SLC9B2: variants seen among roughly 807,000 people sequenced by gnomAD.
The protein encoded by SLC9B2 is solute carrier family 9 member B2, also known as sodium/hydrogen exchanger 9B2.
SLC9B2 carries 39 observed loss-of-function variants against 52.2 expected under a neutral mutation model. That is an observed-to-expected ratio of 0.75 (90% CI 0.58 to 0.98). SLC9B2 has a LOEUF of 0.98. Ranked by LOEUF, SLC9B2 falls within the 50% of genes least tolerant of loss-of-function variation. The probability of loss-of-function intolerance (pLI) is 0.00; values close to 1 mark genes in which losing one functional copy is unlikely to be tolerated. For missense variants in SLC9B2, 626 were observed against 637.5 expected (o/e 0.98, Z 0.19); for synonymous variants, 214 against 227.0 (o/e 0.94, Z 0.51).
chr4:103,072,968 T>C (rs570829538), intron 1 of SLC9B2, among the ~76,000 whole-genome samples: 1 of 152,012 alleles, frequency 6.6e-6, no homozygotes, highest in African/African-American at 2.4e-5. Context: ...GGGAGCAGCC[T>C]AGTCCCTTTG....
intron 3 of SLC9B2, among the ~76,000 whole-genome samples, chr4:103,064,732 A>G (rs1056946492): frequency 7.9e-5 from 12 of 152,214 alleles, no homozygotes; most frequent in Admixed American, 5.9e-4. Flanking sequence ...ATGTATTGAA[A>G]CATCATATTG....
At chr4:103,036,663 T>C (rs1397481815) in intron 9 of SLC9B2, among the ~76,000 whole-genome samples, 1 of 151,634 alleles carries the variant, frequency 6.6e-6, no homozygotes, top group Non-Finnish European at 1.5e-5. Context: ...TTTTTTTTTT[T>C]CAAGGGGGAA....
intron 9 of SLC9B2, among the ~76,000 whole-genome samples, chr4:103,036,114 A>T (rs1743150153): frequency 6.6e-6 from 1 of 152,240 alleles, no homozygotes; most frequent in African/African-American, 2.4e-5. Flanking sequence ...CTGATATGTC[A>T]CAAAGCCAAC....
intron 5 of SLC9B2, 124 bp from the exon 6 acceptor site, chr4:103,049,144 G>T: frequency 8.7e-7 from 1 of 1,153,310 alleles, no homozygotes; most frequent in African/African-American, 1.6e-5. Flanking sequence ...AAGGTAATGA[G>T]TTGTATTTAA....
Position 103,024,099 on chromosome 4 carries a change from T to C in SLC9B2, c.*2271A>G, listed in dbSNP as rs1742004554. On this transcript the variant is annotated 3_prime_UTR_variant, in exon 12 of 12. Transcript: ENST00000394785. ...TGCCATGAGCTCCCTAGCAGCCCTG[T>C]AGTTCCTGCATAATAGCACTTATCA... 6.6e-6 allele frequency among the ~76,000 whole-genome samples: 1 copy of C among 152,204 alleles called. No individual in the cohort carries two copies.
intron 9 of SLC9B2, among the ~76,000 whole-genome samples, chr4:103,036,796 AC>A (rs1410064884): frequency 6.6e-6 from 1 of 152,170 alleles, no homozygotes; most frequent in East Asian, 1.9e-4. Context: ...ATTGAGCAGT[AC>A]CTATTATACT....
At chr4:103,027,989 G>A (rs1209651590) in intron 11 of SLC9B2, among the ~76,000 whole-genome samples, 1 of 152,114 alleles carries the variant, frequency 6.6e-6, no homozygotes, top group Non-Finnish European at 1.5e-5. Context: ...GTTAAATGTT[G>A]TTTGATGTAA....
In SLC9B2 at chr4:103,050,290, T is replaced by C. The variant is rs1744557458; in HGVS notation, c.535A>G (p.Ile179Val). 6.2e-7 allele frequency: 1 copy of C among 1,610,210 alleles called. No individual in the cohort carries two copies. The highest frequency in any genetic ancestry group is 8.5e-7 in the Non-Finnish European group (1 of 1,178,356). ...CGAACCAGAATGATAGACAGGGCTA[T>C]GCTTCTCAAAGAGGAAGACCACTTG... ...KHKWSSSLRSIALSIILVRAG... is the reference protein window; with the variant it reads ...KHKWSSSLRSVALSIILVRAG... Residue 179 changes from isoleucine (I) to valine (V), a missense_variant, in exon 5 of 12, where the codon ATA (isoleucine) becomes GTA (valine). Transcript: ENST00000394785.
At chr4:103,059,459 C>G (rs1745440180) in intron 3 of SLC9B2, among the ~76,000 whole-genome samples, 1 of 152,206 alleles carries the variant, frequency 6.6e-6, no homozygotes. Context: ...ATACTCTCAG[C>G]CGCTTCATCC....
rs532953671 is a variant in SLC9B2 at position 103,042,381 on chromosome 4, CAA to C, written c.1146+913_1146+914del. 10 of 152,072 alleles carry C rather than the reference CAA, an allele frequency of 6.6e-5. No individual in the cohort carries two copies. In the East Asian group the frequency reaches 1.9e-3, roughly 29 times the overall value. The allele number at this position is 152,072 out of a possible 1,614,324, so 9.4% of individuals were successfully genotyped here. Reference sequence around the variant, plus strand: ...TACAATCCTATCAAGTTCAAATCTACAAAAATGAATCTGAAAATTAAAATAAA... The same window carrying C: ...TACAATCCTATCAAGTTCAAATCTACAAATGAATCTGAAAATTAAAATAAA... On this transcript the variant is annotated intron_variant, in intron 9 of 11. Transcript: ENST00000394785.
chr4:103,051,439 G>A (rs1047386655), intron 4 of SLC9B2, among the ~76,000 whole-genome samples: 1 of 152,200 alleles, frequency 6.6e-6, no homozygotes, highest in African/African-American at 2.4e-5. Context: ...GAGACAACCT[G>A]CTGCACATGA....
At position 103,071,000 on chromosome 4, in the gene SLC9B2, T is replaced by C. The variant is rs142129054; in HGVS notation, c.-42-3408A>G. Among the ~76,000 whole-genome samples the C allele has an allele frequency of 2.3e-3, 357 of 152,066 alleles. 4 individuals are homozygous for C. Among genetic ancestry groups the C allele is most frequent in the Admixed American group, 8.0e-3 (122 of 15,274 alleles). ...AACCTTTTCTCCCCACTTGAAAGAATTGTCCTTAAGAGATCAAGAATATAA... is the reference window on the plus strand; with the variant it reads ...AACCTTTTCTCCCCACTTGAAAGAACTGTCCTTAAGAGATCAAGAATATAA... On this transcript the variant is annotated intron_variant, in intron 1 of 11. Coordinates refer to ENST00000394785, the MANE Select transcript of SLC9B2 (RefSeq NM_178833.7).
chr4:103,036,677 C>T (rs1159832947), intron 9 of SLC9B2, among the ~76,000 whole-genome samples: 6 of 149,730 alleles, frequency 4.0e-5, no homozygotes, highest in African/African-American at 1.5e-4. Flanking sequence ...GGGGGAACAC[C>T]ACATTGGAAA....
chr4:103,053,633 A>G (rs72665025), intron 4 of SLC9B2, among the ~76,000 whole-genome samples: 2 of 152,200 alleles, frequency 1.3e-5, no homozygotes, highest in Non-Finnish European at 2.9e-5. Context: ...GCTTTTTAAA[A>G]CTTCTGATGT....
At chr4:103,058,535 C>A (rs1745358619) in intron 3 of SLC9B2, among the ~76,000 whole-genome samples, 1 of 152,108 alleles carries the variant, frequency 6.6e-6, no homozygotes, top group Admixed American at 6.6e-5. Flanking sequence ...GTAGCTGGGA[C>A]TACAGGTGTG....
In SLC9B2 at chr4:103,076,581, C is replaced by T. The variant is rs898404257; in HGVS notation, c.-440G>A. The T allele has an allele frequency of 6.6e-6, 1 of 152,246 alleles. No homozygotes were observed. 9.4% of individuals were successfully genotyped at this position (152,246 alleles called of 1,614,324 possible). On this transcript the variant is annotated 5_prime_UTR_variant, in exon 1 of 12. Coordinates refer to ENST00000394785, the MANE Select transcript of SLC9B2 (RefSeq NM_178833.7). The stretch of plus-strand genomic sequence containing the variant: ...CGTGGCTTCCCCCGGAAAGGTGGCG[C>T]CAGGCCGACCATGGGCCCACGTCCC...
intron 3 of SLC9B2, among the ~76,000 whole-genome samples, chr4:103,062,692 C>T (rs1328390477): frequency 1.3e-5 from 2 of 152,110 alleles, no homozygotes; most frequent in Non-Finnish European, 2.9e-5. Flanking sequence ...ACGATCTCAA[C>T]CTCCGCCTCC....
intron 4 of SLC9B2, among the ~76,000 whole-genome samples, chr4:103,051,694 T>C (rs757549202): frequency 1.3e-4 from 20 of 152,234 alleles, no homozygotes; most frequent in Non-Finnish European, 2.5e-4. Flanking sequence ...CATTCCTGAA[T>C]GTATTTCACT....
At chr4:103,054,714 C>T (rs1011339194) in intron 4 of SLC9B2, among the ~76,000 whole-genome samples, 5 of 152,024 alleles carry the variant, frequency 3.3e-5, no homozygotes, top group East Asian at 3.9e-4. Flanking sequence ...TCATTTTAGG[C>T]GATCATTAAA....
Sources: allele counts gnomAD v4.1 joint callset (sites outside exome capture counted in the v4.1 genomes callset), GRCh38; gene constraint gnomAD v4.1.1; transcripts MANE v1.5; gene names NCBI Gene and HGNC (gene_info 2026-07-23, HGNC 2026-07-21).